Variants in BCAS3 observed in about 807,000 individuals in gnomAD.
BCAS3 encodes the protein BCAS3 microtubule associated cell migration factor.
In BCAS3, 53 loss-of-function variants were observed where a neutral mutation model predicts 116.1. That is an observed-to-expected ratio of 0.46 (90% CI 0.37 to 0.57). The LOEUF (loss-of-function observed/expected upper bound fraction) is 0.57. Among genes scored for constraint, BCAS3 ranks in the 20% least tolerant of loss-of-function variants. The pLI is 0.00. For synonymous variants in BCAS3, 391 were observed against 408.2 expected (o/e 0.96, Z 0.51); for missense variants, 917 against 1,165.4 (o/e 0.79, Z 3.10).
chr17:61,246,827 G>GTA (rs1555793410), intron 22 of BCAS3, among the ~76,000 whole-genome samples: 3 of 149,912 alleles, frequency 2.0e-5, no homozygotes, highest in Non-Finnish European at 3.0e-5. Flanking sequence ...GTGTGTGTGT[G>GTA]TGTATGTGTG....
chr17:60,902,773 A>G, intron 11 of BCAS3, 70 bp downstream of exon 11: 1 of 1,224,762 alleles, frequency 8.2e-7, no homozygotes, highest in Non-Finnish European at 1.2e-6. Context: ...CTCCTGAATT[A>G]TATTTTCTAT....
rs986357472 is a variant in BCAS3, at chr17:61,097,082, CAAAG to C, written c.2425+12522_2425+12525del. ...ATGCTGAGTGAGATATTAATAAACA[CAAAG>C]AAAACCATACGTAGACATATTATAA... On this transcript the variant is annotated intron_variant, in intron 22 of 23. Coordinates refer to ENST00000407086, the MANE Select transcript of BCAS3 (RefSeq NM_017679.5). This position sits in a 1 kb window ranked among gnomAD's most constrained non-coding sequence, Gnocchi z 4.0. Among the ~76,000 whole-genome samples the C allele has an allele frequency of 2.4e-4, 37 of 152,262 alleles. No homozygotes were observed. Among genetic ancestry groups the C allele is most frequent in the African/African-American group, 6.0e-4 (25 of 41,552 alleles).
intron 22 of BCAS3, among the ~76,000 whole-genome samples, chr17:61,164,431 G>A (rs2078361818): frequency 6.6e-6 from 1 of 152,006 alleles, no homozygotes; most frequent in Admixed American, 6.5e-5. Flanking sequence ...CAAAGCAGGA[G>A]GACATTTGAG....
chr17:61,228,850 G>A lies in BCAS3; in HGVS notation c.2426-139477G>A, dbSNP rs766872995. On this transcript the variant is annotated intron_variant, in intron 22 of 23. Transcript: ENST00000407086. This position sits in a 1 kb window ranked among gnomAD's most constrained non-coding sequence, Gnocchi z 5.0. ...GTGTTCAAGTGTAAAAAAGAGGTTC[G>A]CCTCTCACTTTAAATCAAAAGCTAG... 2.8e-4 allele frequency among the ~76,000 whole-genome samples: 43 copies of A among 152,184 alleles called. No homozygotes were observed. The highest frequency in any genetic ancestry group is 4.1e-4 in the South Asian group (2 of 4,822).
intron 22 of BCAS3, among the ~76,000 whole-genome samples, chr17:61,193,419 A>G (rs1449183396): frequency 5.3e-5 from 8 of 152,186 alleles, no homozygotes; most frequent in African/African-American, 1.7e-4. Flanking sequence ...AGTAGAAATA[A>G]GCCCCAATAT....
intron 7 of BCAS3, among the ~76,000 whole-genome samples, chr17:60,854,767 C>T (rs973201223): frequency 6.6e-6 from 1 of 152,030 alleles, no homozygotes; most frequent in Non-Finnish European, 1.5e-5. Flanking sequence ...CTAGTTCAGC[C>T]ATTGTGATTA....
intron 22 of BCAS3, among the ~76,000 whole-genome samples, chr17:61,267,582 CA>C (rs1318281210): frequency 1.3e-5 from 2 of 149,936 alleles, no homozygotes; most frequent in African/African-American, 4.9e-5. Flanking sequence ...TACTAAAATA[CA>C]AAAATTAGCT....
At position 61,248,132 on chromosome 17, in the gene BCAS3, T is replaced by C. The variant is rs1176644556; in HGVS notation, c.2426-120195T>C. ...TTGAATTAGCTTCTTTTGGAGAGCT[T>C]TCTGCTTTTCTGAGCACTTCTTGGA... On this transcript the variant is annotated intron_variant, in intron 22 of 23. Transcript: ENST00000407086. The surrounding 1 kb of genome is among the most constrained non-coding windows in gnomAD (Gnocchi z 4.3). Among the ~76,000 whole-genome samples, 4 of 152,178 alleles carry C rather than the reference T, an allele frequency of 2.6e-5. No individual in the cohort carries two copies. Among genetic ancestry groups the C allele is most frequent in the Non-Finnish European group, 4.4e-5 (3 of 68,026 alleles).
chr17:60,861,423 A>G (rs1170848364), intron 7 of BCAS3, among the ~76,000 whole-genome samples: 8 of 152,210 alleles, frequency 5.3e-5, no homozygotes, highest in Admixed American at 4.6e-4. Context: ...GTATTGAATC[A>G]TATCATCTGG....
In BCAS3 at chr17:61,231,100, G is replaced by T. The variant is rs142531734; in HGVS notation, c.2426-137227G>T. Among the ~76,000 whole-genome samples the T allele has an allele frequency of 5.4e-3, 823 of 151,220 alleles. 5 individuals are homozygous for T. Among genetic ancestry groups the T allele is most frequent in the Middle Eastern group, 0.02 (6 of 294 alleles). ...ATTATAGGTGTGAGCTGCTGTACCTGACCTGACTTTTTAATAATAGCCGTT... is the reference window on the plus strand; with the variant it reads ...ATTATAGGTGTGAGCTGCTGTACCTTACCTGACTTTTTAATAATAGCCGTT... On this transcript the variant is annotated intron_variant, in intron 22 of 23. Transcript: ENST00000407086.
chr17:61,088,996 T>C lies in BCAS3; in HGVS notation c.2425+4432T>C, dbSNP rs2073309497. ...GACAGATAAGAAAAATGACTTCTTA[T>C]CCTGAGCAGCCTTGGATCATAAGGT... is the stretch of plus-strand genomic sequence containing the variant. On this transcript the variant is annotated intron_variant, in intron 22 of 23. Transcript: ENST00000407086. This position sits in a 1 kb window ranked among gnomAD's most constrained non-coding sequence, Gnocchi z 4.2. Among the ~76,000 whole-genome samples the C allele has an allele frequency of 6.6e-6, 1 of 152,152 alleles. No homozygotes were observed. The highest frequency in any genetic ancestry group is 1.5e-5 in the Non-Finnish European group (1 of 67,996).
chr17:61,110,713 G>T (rs868424363), intron 22 of BCAS3, among the ~76,000 whole-genome samples: 13 of 151,960 alleles, frequency 8.6e-5, no homozygotes, highest in Admixed American at 3.3e-4. Flanking sequence ...CAAAGCAGCC[G>T]GGAAGCTCCA....
chr17:61,109,507 C>T (rs1345018760), intron 22 of BCAS3, among the ~76,000 whole-genome samples: 4 of 152,132 alleles, frequency 2.6e-5, no homozygotes, highest in Non-Finnish European at 5.9e-5. Flanking sequence ...ACTTTTAGTT[C>T]TTTAAGGAAT....
intron 19 of BCAS3, chr17:61,070,278 A>C: frequency 1.4e-6 from 2 of 1,443,628 alleles, no homozygotes; most frequent in Non-Finnish European, 1.9e-6. Flanking sequence ...AGAAGAAGGC[A>C]TATGTTCGAC....
In BCAS3 at chr17:61,339,764, TAAAAAAA is replaced by T. The variant is rs773351461; in HGVS notation, c.2426-28553_2426-28547del. 8.6e-6 allele frequency among the ~76,000 whole-genome samples: 1 copy of T among 115,628 alleles called. No homozygotes were observed. Among genetic ancestry groups the T allele is most frequent in the African/African-American group, 3.3e-5 (1 of 30,426 alleles). 75.9% of individuals were successfully genotyped at this position (115,628 alleles called of 152,430 possible). The stretch of plus-strand genomic sequence containing the variant: ...CGGGGCGACAAAGCGAGACCCCATC[TAAAAAAA>T]AAAAAAAAAGACCAAGGAGATGAGT... On this transcript the variant is annotated intron_variant, in intron 22 of 23. Coordinates refer to ENST00000407086, the MANE Select transcript of BCAS3 (RefSeq NM_017679.5). This position sits in a 1 kb window ranked among gnomAD's most constrained non-coding sequence, Gnocchi z 4.4.
In BCAS3 at chr17:61,261,679, T is replaced by C. The variant is rs1045021909; in HGVS notation, c.2426-106648T>C. On this transcript the variant is annotated intron_variant, in intron 22 of 23. Coordinates refer to ENST00000407086, the MANE Select transcript of BCAS3 (RefSeq NM_017679.5). This position sits in a 1 kb window ranked among gnomAD's most constrained non-coding sequence, Gnocchi z 4.4. ...GATGGTTGCATATACAGGAATTGGT[T>C]GAACCTTATTGTTTAAATTAGCTAT... 1.3e-5 allele frequency among the ~76,000 whole-genome samples: 2 copies of C among 152,248 alleles called. No individual in the cohort carries two copies. The highest frequency in any genetic ancestry group is 4.8e-5 in the African/African-American group (2 of 41,474).
intron 6 of BCAS3, among the ~76,000 whole-genome samples, chr17:60,769,608 G>A (rs962282535): frequency 1.9e-4 from 29 of 152,238 alleles, no homozygotes; most frequent in African/African-American, 5.8e-4. Context: ...CTAGGCAGGT[G>A]GTTGTGGGGA....
At chr17:60,769,794 A>T (rs1373429254) in intron 6 of BCAS3, among the ~76,000 whole-genome samples, 1 of 151,028 alleles carries the variant, frequency 6.6e-6, no homozygotes, top group Non-Finnish European at 1.5e-5. Context: ...TATTTTTTGG[A>T]GATGGAGTTT....
chr17:60,889,640 A>C (rs541508067), intron 9 of BCAS3, 55 bp from the exon 10 acceptor site: 1 of 1,434,166 alleles, frequency 7.0e-7, no homozygotes, highest in East Asian at 2.3e-5. Flanking sequence ...TATATGATGC[A>C]CCAACAGAAA....
Sources: allele counts gnomAD v4.1 joint callset (sites outside exome capture counted in the v4.1 genomes callset), GRCh38; gene constraint gnomAD v4.1.1; non-coding constraint Gnocchi (gnomAD v3.1); transcripts MANE v1.5; gene names NCBI Gene and HGNC (gene_info 2026-07-23, HGNC 2026-07-21).